The following TTLL8 variants were observed in gnomAD, a reference collection of about 807,000 sequenced individuals.
TTLL8 encodes the protein tubulin tyrosine ligase like 8.
TTLL8 carries 65 observed loss-of-function variants against 77.8 expected under a neutral mutation model. The observed-to-expected ratio is 0.84, with a 90% CI of 0.68 to 1.03. The LOEUF is 1.03. Among genes scored for constraint, TTLL8 ranks in the 50% least tolerant of loss-of-function variants. The pLI, the probability that TTLL8 is intolerant of heterozygous loss-of-function variation, is 0.00. For missense variants in TTLL8, 910 were observed against 1,004.5 expected, an observed-to-expected ratio of 0.91 and a Z score of 1.27; for synonymous variants, 402 against 422.8, an observed-to-expected ratio of 0.95 and a Z score of 0.60.
rs2061395236 is a variant in TTLL8 at position 50,044,412 on chromosome 22, G to C, written c.643+843C>G. On this transcript the variant is annotated intron_variant, in intron 6 of 13. Coordinates refer to ENST00000266182, the Ensembl canonical transcript of TTLL8. This position sits in a 1 kb window ranked among gnomAD's most constrained non-coding sequence, Gnocchi z 4.2. ...GCAAACTACAACCTAACTCAGAATTGAAAACGGAATGTAAGCACAGCCAAT... is the reference window on the plus strand; with the variant it reads ...GCAAACTACAACCTAACTCAGAATTCAAAACGGAATGTAAGCACAGCCAAT... 1.3e-5 allele frequency among the ~76,000 whole-genome samples: 2 copies of C among 152,094 alleles called. No homozygotes were observed. Among genetic ancestry groups the C allele is most frequent in the African/African-American group, 2.4e-5 (1 of 41,424 alleles).
chr22:50,049,381 G>A (rs966979900), intron 2 of TTLL8, 59 bp from the exon 5 acceptor site: 78 of 1,362,236 alleles, frequency 5.7e-5, no homozygotes, highest in Middle Eastern at 2.2e-4. Context: ...TTCCCGCACC[G>A]GGTCCGTTAC....
At chr22:50,045,924 G>A in exon 5 of TTLL8, 2 of 1,361,850 alleles carry the variant, frequency 1.5e-6, no homozygotes, top group Non-Finnish European at 2.0e-6. Flanking sequence ...GTCGGGGTTG[G>A]CCGGGACGTA....
chr22:50,031,975 G>A (rs944623548), exon 11 of TTLL8: 5 of 1,366,606 alleles, frequency 3.7e-6, no homozygotes, highest in African/African-American at 3.0e-5. Flanking sequence ...GCCCCACACG[G>A]CGCCACGGCC....
chr22:50,047,685 C>G (rs1056741324), intron 3 of TTLL8, among the ~76,000 whole-genome samples: 1 of 152,220 alleles, frequency 6.6e-6, no homozygotes, highest in Non-Finnish European at 1.5e-5. Context: ...CTGCACACCC[C>G]TCCCTGAGCC....
intron 12 of TTLL8, among the ~76,000 whole-genome samples, chr22:50,023,600 G>A (rs1295237582): frequency 6.6e-6 from 1 of 151,980 alleles, no homozygotes; most frequent in African/African-American, 2.4e-5. Context: ...CAGGATAATC[G>A]CTTGAACCTG....
At chr22:50,040,769 G>A (rs1208160804) in intron 8 of TTLL8, among the ~76,000 whole-genome samples, 7 of 152,184 alleles carry the variant, frequency 4.6e-5, no homozygotes, top group Admixed American at 4.6e-4. Context: ...TGAAGCTGCC[G>A]CAGACCCTCT....
At chr22:50,022,984 C>T (rs2061213611) in intron 12 of TTLL8, among the ~76,000 whole-genome samples, 1 of 151,126 alleles carries the variant, frequency 6.6e-6, no homozygotes. Flanking sequence ...ACAGAGTGTC[C>T]ATGTACAAAA....
At chr22:50,045,528 C>T in intron 5 of TTLL8, 139 bp from the exon 8 acceptor site, 1 of 721,908 alleles carries the variant, frequency 1.4e-6, no homozygotes, top group East Asian at 6.4e-5. Context: ...GCTCCCACAC[C>T]CCCAGTCTGC....
At chr22:50,040,510 TG>T (rs2061364129) in intron 8 of TTLL8, among the ~76,000 whole-genome samples, 1 of 152,348 alleles carries the variant, frequency 6.6e-6, no homozygotes, top group African/African-American at 2.4e-5. Context: ...GTGACCCCTG[TG>T]GGGGTTCTCC....
At position 50,034,224 on chromosome 22, in the gene TTLL8, G is replaced by A. The variant is rs977825811; in HGVS notation, c.1039+121C>T. Reference sequence around the variant, plus strand: ...TCCTGACCCCCACGCCTGCCTCGGCGTTCTGCTCCCTCCCTTCCTTCCCTG... The same window carrying A: ...TCCTGACCCCCACGCCTGCCTCGGCATTCTGCTCCCTCCCTTCCTTCCCTG... On this transcript the variant is annotated intron_variant, in intron 9 of 13. Transcript: ENST00000266182. The surrounding 1 kb of genome is among the most constrained non-coding windows in gnomAD (Gnocchi z 4.1). 8 of 1,182,846 alleles carry A rather than the reference G, an allele frequency of 6.8e-6. No homozygotes were observed. The highest frequency in any genetic ancestry group is 3.2e-5 in the Admixed American group (1 of 30,934). 73.3% of individuals were successfully genotyped at this position (1,182,846 alleles called of 1,614,324 possible). A position where few individuals can be genotyped will look rare whatever the true frequency, so the allele number is the denominator to read the frequency against.
chr22:50,020,428 G>A (rs4838871), intron 12 of TTLL8, among the ~76,000 whole-genome samples: 10 of 145,976 alleles, frequency 6.9e-5, no homozygotes, highest in South Asian at 4.4e-4. Context: ...TCCATCTGAC[G>A]TGCACTACTC....
intron 12 of TTLL8, among the ~76,000 whole-genome samples, chr22:50,025,215 C>T (rs750459930): frequency 2.7e-5 from 4 of 150,514 alleles, no homozygotes; most frequent in Non-Finnish European, 5.9e-5. Context: ...TTCACGTAAC[C>T]CACAAATATA....
chr22:50,025,959 G>A lies in TTLL8; in HGVS notation c.2203+4471C>T, dbSNP rs531060185. On this transcript the variant is annotated intron_variant, in intron 12 of 13. Coordinates refer to ENST00000266182, the Ensembl canonical transcript of TTLL8. ...GAGTGCAAAACGCCACAACCATATT[G>A]GAAATGGGAAGTTTCTTCTAAAGCA... Among the ~76,000 whole-genome samples the A allele has an allele frequency of 2.0e-5, 3 of 152,272 alleles. No homozygotes were observed. The South Asian group carries it at 6.2e-4, about 32-fold the overall frequency.
intron 12 of TTLL8, among the ~76,000 whole-genome samples, chr22:50,023,791 T>C (rs2061217502): frequency 6.6e-6 from 1 of 151,776 alleles, no homozygotes; most frequent in African/African-American, 2.4e-5. Flanking sequence ...GAGGCCGAGG[T>C]GGGCAGATCA....
Position 50,041,687 on chromosome 22 carries a change from T to C in TTLL8, c.764A>G (p.Asp255Gly). The C allele has an allele frequency of 7.3e-7, 1 of 1,367,086 alleles. No individual in the cohort carries two copies. The highest frequency in any genetic ancestry group is 9.8e-7 in the Non-Finnish European group (1 of 1,021,660). 84.7% of individuals were successfully genotyped at this position (1,367,086 alleles called of 1,614,324 possible). The change falls in exon 7 of 14, where the codon GAT (aspartate) becomes GGT (glycine). Residue 255 changes from aspartate (D) to glycine (G), a missense_variant. This residue lies in a region of TTLL8 where 776 missense variants were observed against 926.1 expected (regional missense o/e 0.84). Coordinates refer to ENST00000266182, the Ensembl canonical transcript of TTLL8. The surrounding 1 kb of genome is among the most constrained non-coding windows in gnomAD (Gnocchi z 4.3). The stretch of plus-strand genomic sequence containing the variant: ...GGCCTCAGTGAGGTCCTCCACGGCA[T>C]CTGCTGACGTGTCGATGTCCTCATG...
chr22:50,047,320 G>A, intron 3 of TTLL8, 24 bp from the exon 6 acceptor site: 1 of 1,366,334 alleles, frequency 7.3e-7, no homozygotes, highest in Non-Finnish European at 9.8e-7. Context: ...AGTCTTTATT[G>A]ATGCCCAGCA....
At chr22:50,046,042 C>G in intron 4 of TTLL8, 72 bp from the exon 7 acceptor site, 3 of 1,265,068 alleles carry the variant, frequency 2.4e-6, no homozygotes, top group African/African-American at 1.5e-5. Flanking sequence ...AAGGCGAGGA[C>G]GGGCCGTCCA....
intron 3 of TTLL8, 71 bp downstream of exon 5, chr22:50,049,178 A>G: frequency 1.5e-6 from 2 of 1,361,922 alleles, no homozygotes; most frequent in Non-Finnish European, 2.0e-6. Context: ...GAGAGTGGGC[A>G]CGGAGCAGGG....
At chr22:50,039,276 C>A (rs1029845074) in intron 8 of TTLL8, among the ~76,000 whole-genome samples, 5 of 152,072 alleles carry the variant, frequency 3.3e-5, no homozygotes, top group Non-Finnish European at 5.9e-5. Context: ...CTAGTGAAAT[C>A]ATTATGGGCT....
Sources: gnomAD v4.1 joint callset for allele counts (sites outside exome capture counted in the v4.1 genomes callset) on GRCh38, gnomAD v4.1.1 for gene constraint, gnomAD v4.1.1 regional missense constraint, Gnocchi (gnomAD v3.1) non-coding constraint, MANE v1.5 for transcripts, NCBI Gene and HGNC (gene_info 2026-07-23, HGNC 2026-07-21) for gene names.